EIF2AK4: variants seen among roughly 807,000 people sequenced by gnomAD.
The protein encoded by EIF2AK4 is eukaryotic translation initiation factor 2 alpha kinase 4, also known as eIF-2-alpha kinase GCN2.
EIF2AK4 carries 139 observed loss-of-function variants against 211.1 expected under a neutral mutation model. That is an observed-to-expected ratio of 0.66 (90% CI 0.57 to 0.76). The LOEUF is 0.76. Ranked by LOEUF, EIF2AK4 falls within the 30% of genes least tolerant of loss-of-function variation. The pLI, the probability that EIF2AK4 is intolerant of heterozygous loss-of-function variation, is 0.00. For synonymous variants in EIF2AK4, 710 were observed against 751.3 expected, an observed-to-expected ratio of 0.94 and a Z score of 0.90; for missense variants, 1,664 against 2,043.8, an observed-to-expected ratio of 0.81 and a Z score of 3.58.
Position 39,943,372 on chromosome 15 carries a change from G to GT in EIF2AK4, c.258-11_258-10insT. 2.5e-6 allele frequency: 1 copy of GT among 392,278 alleles called. No homozygotes were observed. The highest frequency in any genetic ancestry group is 3.4e-6 in the Non-Finnish European group (1 of 290,180). 24.3% of individuals were successfully genotyped at this position (392,278 alleles called of 1,614,324 possible). On this transcript the variant is annotated splice_polypyrimidine_tract_variant and intron_variant, in intron 2 of 38. Coordinates refer to ENST00000263791, the MANE Select transcript of EIF2AK4 (RefSeq NM_001013703.4). Reference sequence around the variant, plus strand: ...AACTCTTTTTTTTTTTTTTTTTTTTGCCTTTTCCAGAGTTCCTGAAATAGA... The same window carrying GT: ...AACTCTTTTTTTTTTTTTTTTTTTTGTCCTTTTCCAGAGTTCCTGAAATAGA...
chr15:39,978,444 G>A (rs968489830), intron 13 of EIF2AK4, among the ~76,000 whole-genome samples: 4 of 152,102 alleles, frequency 2.6e-5, no homozygotes, highest in African/African-American at 9.7e-5. Context: ...TATATGGTTG[G>A]GGATAAGAAT....
At chr15:39,982,915 T>C (rs1390138840) in intron 13 of EIF2AK4, among the ~76,000 whole-genome samples, 1 of 152,236 alleles carries the variant, frequency 6.6e-6, no homozygotes, top group Non-Finnish European at 1.5e-5. Flanking sequence ...ATAGTGTATA[T>C]GTGCCACATT....
chr15:39,981,947 A>G (rs2034795086), intron 13 of EIF2AK4, among the ~76,000 whole-genome samples: 1 of 91,156 alleles, frequency 1.1e-5, no homozygotes, highest in African/African-American at 3.8e-5. Context: ...TTTTTTTGAG[A>G]CAGAGTCTCA....
Position 39,967,616 on chromosome 15 carries a change from T to C in EIF2AK4, c.1290T>C (p.Asn430=), listed in dbSNP as rs2034562979. The part of the protein sequence containing the change: ...SVVHKVLSAS[N]VLVDAEGTVK... ...TGCATAAGGTCCTGAGTGCATCTAA[T>C]GTCTTGGTGGATGCAGAAGGCACCG... is the stretch of plus-strand genomic sequence containing the variant. Residue 430 remains asparagine, a synonymous_variant, in exon 9 of 39, where the codon AAT becomes AAC. Coordinates refer to ENST00000263791, the MANE Select transcript of EIF2AK4 (RefSeq NM_001013703.4). 6.2e-7 allele frequency: 1 copy of C among 1,614,198 alleles called. No homozygotes were observed.
intron 27 of EIF2AK4, 23 bp from the exon 28 acceptor site, chr15:40,016,479 G>T: frequency 1.2e-6 from 2 of 1,613,744 alleles, no homozygotes; most frequent in South Asian, 2.2e-5. Flanking sequence ...ATGGGCAGCT[G>T]ACTGTGCCCC....
Position 40,035,276 on chromosome 15 carries a change from C to G in EIF2AK4, c.*192C>G, listed in dbSNP as rs1332828627. 1 of 383,832 alleles carries G rather than the reference C, an allele frequency of 2.6e-6. No individual in the cohort carries two copies. The highest frequency in any genetic ancestry group is 4.6e-6 in the Non-Finnish European group (1 of 217,278). The allele number at this position is 383,832 out of a possible 1,614,324, so 23.8% of individuals were successfully genotyped here. ...CTTGAAACCAGGAGTTTGAGACCAGCCTGAGCAACAAAGCAAGACCCCATC... is the reference window on the plus strand; with the variant it reads ...CTTGAAACCAGGAGTTTGAGACCAGGCTGAGCAACAAAGCAAGACCCCATC... On this transcript the variant is annotated 3_prime_UTR_variant, in exon 39 of 39. Coordinates refer to ENST00000263791, the MANE Select transcript of EIF2AK4 (RefSeq NM_001013703.4).
At chr15:40,034,505 A>G (rs1595442663) in intron 38 of EIF2AK4, 61 bp downstream of exon 38, 4 of 1,297,238 alleles carry the variant, frequency 3.1e-6, no homozygotes, top group African/African-American at 1.5e-5. Flanking sequence ...GGGGGGTTTC[A>G]GAGTGACATT....
chr15:39,944,432 C>CTTTTTTTTTTTTTTTTTTT (rs55669603), intron 3 of EIF2AK4, among the ~76,000 whole-genome samples: 1 of 121,198 alleles, frequency 8.3e-6, no homozygotes, highest in Admixed American at 9.2e-5. Context: ...TTAACGATCT[C>CTTTTTTTTTTTTTTTTTTT]TTTTTTTTTT....
chr15:40,001,098 G>A lies in EIF2AK4; in HGVS notation c.3033G>A (p.Leu1011=). 6.2e-7 allele frequency: 1 copy of A among 1,614,180 alleles called. No homozygotes were observed. Among genetic ancestry groups the A allele is most frequent in the Non-Finnish European group, 8.5e-7 (1 of 1,180,020 alleles). The change falls in exon 21 of 39, where the codon CTG becomes CTA. Residue 1011 remains leucine, a synonymous_variant. Coordinates refer to ENST00000263791, the MANE Select transcript of EIF2AK4 (RefSeq NM_001013703.4). Reference sequence around the variant, plus strand: ...CACCCCAGATGGAGGAGTCAGAGCTGCATGAAGTGCTGCACCACACGCTGA... The same window carrying A: ...CACCCCAGATGGAGGAGTCAGAGCTACATGAAGTGCTGCACCACACGCTGA... ...LPPPQMEESE[L]HEVLHHTLTN... is the part of the protein sequence containing the mutation.
At chr15:39,954,229 C>T (rs1295600699) in intron 5 of EIF2AK4, among the ~76,000 whole-genome samples, 4 of 152,106 alleles carry the variant, frequency 2.6e-5, no homozygotes, top group African/African-American at 9.7e-5. Context: ...GAAGAGATTG[C>T]GTCTTTAATA....
intron 4 of EIF2AK4, among the ~76,000 whole-genome samples, chr15:39,949,481 T>G (rs1201666595): frequency 6.6e-6 from 1 of 152,118 alleles, no homozygotes; most frequent in East Asian, 1.9e-4. Context: ...GTCCAGGTCT[T>G]AAAGAAATAG....
chr15:40,022,015 G>C (rs2035394501), intron 31 of EIF2AK4: 1 of 152,540 alleles, frequency 6.6e-6, no homozygotes, highest in Admixed American at 6.5e-5. Context: ...CATTAGAGAA[G>C]TGTTCTGTCC....
intron 3 of EIF2AK4, among the ~76,000 whole-genome samples, chr15:39,943,913 C>T (rs1294813186): frequency 6.6e-6 from 1 of 152,058 alleles, no homozygotes; most frequent in Non-Finnish European, 1.5e-5. Flanking sequence ...TATGATCACA[C>T]CCCTTCACTC....
intron 3 of EIF2AK4, chr15:39,946,532 A>G (rs1179309277): frequency 4.3e-6 from 3 of 702,164 alleles, no homozygotes; most frequent in Middle Eastern, 2.3e-4. Context: ...TGCTGTGAAC[A>G]TTGTTGAAAT....
chr15:40,025,918 G>T, intron 32 of EIF2AK4, 59 bp from the exon 33 acceptor site: 1 of 1,516,608 alleles, frequency 6.6e-7, no homozygotes. Flanking sequence ...GTGGTGCTCT[G>T]AGCTAGTCTT....
chr15:39,950,963 T>C (rs1359117176), intron 4 of EIF2AK4, among the ~76,000 whole-genome samples: 1 of 152,220 alleles, frequency 6.6e-6, no homozygotes, highest in Non-Finnish European at 1.5e-5. Context: ...GCATTAATGC[T>C]TTACATCCCC....
At chr15:39,990,473 C>T in intron 16 of EIF2AK4, 96 bp downstream of exon 16, 2 of 1,015,700 alleles carry the variant, frequency 2.0e-6, no homozygotes, top group Admixed American at 3.9e-5. Context: ...GTTCACAGAA[C>T]TATGCCGTCT....
intron 27 of EIF2AK4, among the ~76,000 whole-genome samples, chr15:40,014,711 T>C (rs1246821152): frequency 6.6e-6 from 1 of 152,258 alleles, no homozygotes; most frequent in Admixed American, 6.5e-5. Context: ...AACACTTGGC[T>C]CCTTGTTACT....
intron 13 of EIF2AK4, among the ~76,000 whole-genome samples, chr15:39,979,883 G>T (rs1239894325): frequency 6.6e-6 from 1 of 152,110 alleles, no homozygotes; most frequent in Non-Finnish European, 1.5e-5. Flanking sequence ...TGTTTCTTAT[G>T]AAATAAGTCC....
Sources: gnomAD v4.1 joint callset for allele counts (sites outside exome capture counted in the v4.1 genomes callset) on GRCh38, gnomAD v4.1.1 for gene constraint, MANE v1.5 for transcripts, NCBI Gene and HGNC (gene_info 2026-07-23, HGNC 2026-07-21) for gene names.